The following LRFN2 variants were observed in gnomAD, a reference collection of about 807,000 sequenced individuals.
LRFN2 encodes leucine-rich repeat and fibronectin type-III domain-containing protein 2.
A neutral mutation model predicts 37.3 loss-of-function variants in LRFN2; 18 were observed. That is an observed-to-expected ratio of 0.48 (90% CI 0.33 to 0.72). The LOEUF is 0.72. LRFN2 is among the 30% of genes least tolerant of loss of function. The probability of loss-of-function intolerance (pLI) is 0.02; values close to 1 mark genes in which losing one functional copy is unlikely to be tolerated. For synonymous variants in LRFN2, 556 were observed against 466.6 expected (o/e 1.19, Z -2.47); for missense variants, 1,006 against 1,060.7 (o/e 0.95, Z 0.72).
At chr6:40,541,702 G>A (rs775642339) in intron 1 of LRFN2, among the ~76,000 whole-genome samples, 6 of 152,162 alleles carry the variant, frequency 3.9e-5, no homozygotes, top group Non-Finnish European at 5.9e-5. Flanking sequence ...CCGACCACAG[G>A]TGTAGGTAAC....
chr6:40,425,510 C>T (rs1487956739), intron 2 of LRFN2, among the ~76,000 whole-genome samples: 1 of 152,214 alleles, frequency 6.6e-6, no homozygotes, highest in Non-Finnish European at 1.5e-5. Flanking sequence ...TGAACTGTTG[C>T]TCCCTCCAGG....
chr6:40,478,010 G>C (rs1764745462), intron 1 of LRFN2, among the ~76,000 whole-genome samples: 1 of 152,216 alleles, frequency 6.6e-6, no homozygotes, highest in Non-Finnish European at 1.5e-5. Context: ...CATAATTAAA[G>C]AGACAGTTGA....
intron 1 of LRFN2, among the ~76,000 whole-genome samples, chr6:40,583,459 T>C (rs1358377632): frequency 6.6e-6 from 1 of 152,158 alleles, no homozygotes; most frequent in African/African-American, 2.4e-5. Context: ...TAATCACTGG[T>C]TAACTGCAGT....
intron 1 of LRFN2, chr6:40,501,743 T>C (rs1440857774): frequency 6.6e-6 from 1 of 152,192 alleles, no homozygotes; most frequent in African/African-American, 2.4e-5. Context: ...CTGCCTTCAA[T>C]ACACTGGCTT....
At chr6:40,533,910 T>C (rs1561898687) in intron 1 of LRFN2, among the ~76,000 whole-genome samples, 1 of 152,232 alleles carries the variant, frequency 6.6e-6, no homozygotes, top group Non-Finnish European at 1.5e-5. Flanking sequence ...ACTGGCGTGA[T>C]GAAGGGCCAA....
At chr6:40,509,609 T>C (rs1404621833) in intron 1 of LRFN2, among the ~76,000 whole-genome samples, 5 of 151,274 alleles carry the variant, frequency 3.3e-5, no homozygotes, top group Non-Finnish European at 7.4e-5. Flanking sequence ...TATTGGGCTA[T>C]GAAGGTAAGG....
intron 1 of LRFN2, among the ~76,000 whole-genome samples, chr6:40,452,445 T>G (rs2504822): frequency 0.96 from 146,777 of 152,318 alleles, 70,954 homozygotes; most frequent in Non-Finnish European, 1. Context: ...CTCCAGTCAG[T>G]GTTAGAATGT....
chr6:40,449,327 G>A (rs1270431165), intron 1 of LRFN2, among the ~76,000 whole-genome samples: 1 of 152,154 alleles, frequency 6.6e-6, no homozygotes, highest in East Asian at 1.9e-4. Flanking sequence ...TTTAAAAAGA[G>A]AAAAGAAGTC....
At chr6:40,478,469 T>C (rs530460197) in intron 1 of LRFN2, among the ~76,000 whole-genome samples, 1 of 152,276 alleles carries the variant, frequency 6.6e-6, no homozygotes, top group Admixed American at 6.5e-5. Flanking sequence ...ATTATACACA[T>C]GGGGGAAACT....
intron 1 of LRFN2, among the ~76,000 whole-genome samples, chr6:40,487,091 AG>A (rs1378566416): frequency 1.3e-5 from 2 of 152,160 alleles, no homozygotes; most frequent in Non-Finnish European, 2.9e-5. Flanking sequence ...CTGTTCCCTG[AG>A]GACATGAACC....
At chr6:40,480,377 C>T (rs1347020873) in intron 1 of LRFN2, among the ~76,000 whole-genome samples, 5 of 152,132 alleles carry the variant, frequency 3.3e-5, no homozygotes, top group African/African-American at 7.2e-5. Flanking sequence ...TCCCTGGGCT[C>T]AGATGATCCT....
chr6:40,476,929 A>G (rs1460076820), intron 1 of LRFN2, among the ~76,000 whole-genome samples: 1 of 152,160 alleles, frequency 6.6e-6, no homozygotes, highest in Non-Finnish European at 1.5e-5. Context: ...ACTCCAAGGA[A>G]TATCTCAGGC....
chr6:40,583,213 C>CTATATACATATATAGTATATATACACA (rs1554146567), intron 1 of LRFN2, among the ~76,000 whole-genome samples: 11 of 143,740 alleles, frequency 7.7e-5, no homozygotes, highest in East Asian at 4.0e-4. Flanking sequence ...TATATATACA[C>CTATATACATATATAGTATATATACACA]TATATACATA....
intron 2 of LRFN2, among the ~76,000 whole-genome samples, chr6:40,426,239 G>A (rs1462332054): frequency 6.6e-6 from 1 of 152,228 alleles, no homozygotes; most frequent in African/African-American, 2.4e-5. Flanking sequence ...TGAGAGCTGG[G>A]ATAATTTAAG....
intron 1 of LRFN2, among the ~76,000 whole-genome samples, chr6:40,579,884 A>G (rs115310359): frequency 0.026 from 4,028 of 152,264 alleles, 89 homozygotes; most frequent in Admixed American, 0.039. Flanking sequence ...AACTAAACAG[A>G]GGAAGACTGC....
chr6:40,444,753 G>T (rs1763926460), intron 1 of LRFN2, among the ~76,000 whole-genome samples: 1 of 152,108 alleles, frequency 6.6e-6, no homozygotes, highest in African/African-American at 2.4e-5. Context: ...TTAAATGTGG[G>T]CAAGGAGCAG....
intron 1 of LRFN2, among the ~76,000 whole-genome samples, chr6:40,434,385 A>T (rs2113827314): frequency 6.6e-6 from 1 of 152,334 alleles, no homozygotes; most frequent in Non-Finnish European, 1.5e-5. Context: ...GATAGAGCAA[A>T]ATGATAGCCA....
At chr6:40,509,549 T>C (rs1276703247) in intron 1 of LRFN2, among the ~76,000 whole-genome samples, 1 of 152,066 alleles carries the variant, frequency 6.6e-6, no homozygotes, top group Non-Finnish European at 1.5e-5. Flanking sequence ...TAGGGAACAC[T>C]GGGCTCCGCA....
intron 1 of LRFN2, among the ~76,000 whole-genome samples, chr6:40,547,704 C>A (rs1766692641): frequency 6.6e-6 from 1 of 152,064 alleles, no homozygotes; most frequent in Non-Finnish European, 1.5e-5. Context: ...GGCTATTTAT[C>A]CTCCTACCCC....
Sources: gnomAD v4.1 joint callset for allele counts (sites outside exome capture counted in the v4.1 genomes callset) on GRCh38, gnomAD v4.1.1 for gene constraint, MANE v1.5 for transcripts, NCBI Gene and HGNC (gene_info 2026-07-23, HGNC 2026-07-21) for gene names.